Variants in MYO9A observed in about 807,000 individuals in gnomAD.
MYO9A encodes unconventional myosin-IXa.
MYO9A carries 103 observed loss-of-function variants against 293.3 expected under a neutral mutation model. That is an observed-to-expected ratio of 0.35 (90% CI 0.30 to 0.41). The LOEUF is 0.41. Among genes scored for constraint, MYO9A ranks in the 10% least tolerant of loss-of-function variants. The pLI, the probability that MYO9A is intolerant of heterozygous loss-of-function variation, is 1.00. For synonymous variants in MYO9A, 1,001 were observed against 1,035.7 expected (o/e 0.97, Z 0.64); for missense variants, 2,685 against 3,033.0 (o/e 0.89, Z 2.69).
At chr15:71,986,189 T>C (rs149882756) in intron 11 of MYO9A, among the ~76,000 whole-genome samples, 11 of 152,330 alleles carry the variant, frequency 7.2e-5, no homozygotes, top group African/African-American at 9.6e-5. Flanking sequence ...ATTTACAGTG[T>C]ATTAAGTATA....
In MYO9A at chr15:71,829,810, C is replaced by A. The variant is rs570791310; in HGVS notation, c.7040+299G>T. Among the ~76,000 whole-genome samples, 4 of 152,192 alleles carry A rather than the reference C, an allele frequency of 2.6e-5. No individual in the cohort carries two copies. In the South Asian group the frequency reaches 8.3e-4, roughly 32 times the overall value. On this transcript the variant is annotated intron_variant, in intron 40 of 41. Coordinates refer to ENST00000356056, the MANE Select transcript of MYO9A (RefSeq NM_006901.4). ...TCCCCACTGTTACTGCTAGATGAAT[C>A]GTGACTAAGACTGACATGCCCTGTG...
At chr15:72,098,709 C>T (rs770657220) in intron 1 of MYO9A, among the ~76,000 whole-genome samples, 1 of 152,012 alleles carries the variant, frequency 6.6e-6, no homozygotes, top group Non-Finnish European at 1.5e-5. Context: ...TGGTGCCACA[C>T]ACCTATAGCC....
At chr15:72,066,331 CAA>C (rs1441619012) in intron 1 of MYO9A, among the ~76,000 whole-genome samples, 1 of 151,928 alleles carries the variant, frequency 6.6e-6, no homozygotes, top group Non-Finnish European at 1.5e-5. Flanking sequence ...ACTAAAACTA[CAA>C]TAATTAGCCG....
chr15:71,987,864 C>A (rs2076444091), intron 11 of MYO9A, among the ~76,000 whole-genome samples: 2 of 152,142 alleles, frequency 1.3e-5, no homozygotes, highest in Admixed American at 6.5e-5. Context: ...ATAAATAAGA[C>A]ACTTAACAAG....
rs544391318 is a variant in MYO9A at position 71,915,392 on chromosome 15, G to C, written c.2685+978C>G. ...TCCTTTAAGCTTATTTGCACATAAT[G>C]AGTTATTTGGCTCCTTGGTCTTGCT... On this transcript the variant is annotated intron_variant, in intron 19 of 41. Coordinates refer to ENST00000356056, the MANE Select transcript of MYO9A (RefSeq NM_006901.4). Among the ~76,000 whole-genome samples the C allele has an allele frequency of 3.1e-3, 461 of 150,406 alleles. 2 individuals are homozygous for C. Among genetic ancestry groups the C allele is most frequent in the Non-Finnish European group, 5.4e-3 (368 of 67,598 alleles).
At chr15:72,088,109 A>G (rs964417580) in intron 1 of MYO9A, among the ~76,000 whole-genome samples, 5 of 152,194 alleles carry the variant, frequency 3.3e-5, no homozygotes, top group South Asian at 2.1e-4. Flanking sequence ...AGGAGAAACT[A>G]AACCTGACAA....
chr15:71,990,889 C>A (rs1403102125), intron 11 of MYO9A, among the ~76,000 whole-genome samples: 1 of 152,122 alleles, frequency 6.6e-6, no homozygotes, highest in Non-Finnish European at 1.5e-5. Context: ...ATTTCTAATC[C>A]CATCAGTTGA....
At chr15:72,062,185 T>A (rs562647855) in intron 1 of MYO9A, among the ~76,000 whole-genome samples, 1 of 152,106 alleles carries the variant, frequency 6.6e-6, no homozygotes, top group Admixed American at 6.5e-5. Flanking sequence ...CAAAGACAGA[T>A]CATAATACTC....
chr15:71,959,872 A>G (rs1346491245), intron 14 of MYO9A, 29 bp downstream of exon 14: 1 of 1,484,426 alleles, frequency 6.7e-7, no homozygotes, highest in Non-Finnish European at 9.3e-7. Flanking sequence ...AAGATGAAGT[A>G]TGGTAGAATA....
chr15:71,900,668 A>G (rs962527617), intron 23 of MYO9A, among the ~76,000 whole-genome samples: 1 of 152,172 alleles, frequency 6.6e-6, no homozygotes, highest in Admixed American at 6.5e-5. Context: ...CAATTTTCCT[A>G]AATAACACTA....
intron 15 of MYO9A, among the ~76,000 whole-genome samples, chr15:71,940,285 G>A (rs1341133587): frequency 1.3e-5 from 2 of 152,134 alleles, no homozygotes; most frequent in African/African-American, 2.4e-5. Flanking sequence ...ACTTGAGCCC[G>A]AGAGTTCAGG....
chr15:72,069,844 G>T (rs12593946), intron 1 of MYO9A, among the ~76,000 whole-genome samples: 6,722 of 152,090 alleles, frequency 0.044, 264 homozygotes, highest in East Asian at 0.18. Context: ...GGAGGCTGGT[G>T]TGGTGGCTCA....
At chr15:71,914,038 A>T (rs2057937411) in intron 19 of MYO9A, among the ~76,000 whole-genome samples, 1 of 152,186 alleles carries the variant, frequency 6.6e-6, no homozygotes, top group Admixed American at 6.5e-5. Context: ...ACAGATCAGT[A>T]GTCAGCCACA....
chr15:72,067,764 T>C (rs980468169), intron 1 of MYO9A, among the ~76,000 whole-genome samples: 11 of 152,216 alleles, frequency 7.2e-5, no homozygotes, highest in Admixed American at 3.3e-4. Context: ...TTTTATTTTC[T>C]TGATAAAACA....
intron 17 of MYO9A, 68 bp downstream of exon 17, chr15:71,935,273 G>A (rs2058606130): frequency 1.4e-6 from 2 of 1,429,240 alleles, no homozygotes; most frequent in Admixed American, 4.4e-5. Flanking sequence ...ATTTTTTTCT[G>A]CCAGAAATTT....
chr15:71,860,032 T>C (rs898649490), intron 33 of MYO9A, among the ~76,000 whole-genome samples: 5 of 152,186 alleles, frequency 3.3e-5, no homozygotes, highest in African/African-American at 1.2e-4. Flanking sequence ...GAAAAAGCTT[T>C]TTGTTCTTTC....
chr15:72,103,426 CAGCAGCAGCAGAAGCAGA>C (rs1240692645), intron 1 of MYO9A, among the ~76,000 whole-genome samples: 1 of 142,838 alleles, frequency 7.0e-6, no homozygotes, highest in African/African-American at 2.6e-5. Flanking sequence ...GCAGCAGAAG[CAGCAGCAGCAGAAGCAGA>C]AGCAGCAGCA....
intron 1 of MYO9A, among the ~76,000 whole-genome samples, chr15:72,108,355 A>G (rs2080650133): frequency 6.6e-6 from 1 of 152,198 alleles, no homozygotes; most frequent in South Asian, 2.1e-4. Flanking sequence ...GAATCTATTC[A>G]ATCCTTTACA....
chr15:72,035,840 T>A (rs2078030287), intron 2 of MYO9A, among the ~76,000 whole-genome samples: 1 of 151,944 alleles, frequency 6.6e-6, no homozygotes, highest in Non-Finnish European at 1.5e-5. Context: ...TATAGGACTC[T>A]ATGTATATGA....
Sources: allele counts gnomAD v4.1 joint callset (sites outside exome capture counted in the v4.1 genomes callset), GRCh38; gene constraint gnomAD v4.1.1; transcripts MANE v1.5; gene names NCBI Gene and HGNC (gene_info 2026-07-23, HGNC 2026-07-21).